TARS1: variants seen among roughly 807,000 people sequenced by gnomAD.
TARS1 encodes threonyl-tRNA synthetase 1, also known as threonine--tRNA ligase 1, cytoplasmic.
Under a neutral mutation model 97.7 loss-of-function variants are expected in TARS1, and 57 were observed. That is an observed-to-expected ratio of 0.58 (90% CI 0.47 to 0.73). The LOEUF (loss-of-function observed/expected upper bound fraction) is 0.73, where lower values mean the gene tolerates loss of function less well. Among genes scored for constraint, TARS1 ranks in the 30% least tolerant of loss-of-function variants. The pLI is 0.00. For synonymous variants in TARS1, 312 were observed against 293.7 expected (o/e 1.06, Z -0.64); for missense variants, 806 against 888.3 (o/e 0.91, Z 1.18).
In TARS1 at chr5:33,466,912, T is replaced by G; in HGVS notation, c.1950T>G (p.Ile650Met). The G allele has an allele frequency of 6.2e-7, 1 of 1,606,088 alleles. No individual in the cohort carries two copies. Among genetic ancestry groups the G allele is most frequent in the Non-Finnish European group, 8.5e-7 (1 of 1,176,434 alleles). The change falls in exon 18 of 19, where the codon ATT becomes ATG. Residue 650 changes from isoleucine to methionine, a missense_variant. Ile to Met is a conservative substitution (Grantham distance 10). Transcript: ENST00000265112. ...ACGATGCCAAATTCATGGCAGACAT[T>G]GATCTGGATCCAGGCTGTACATTGA... The part of the protein sequence containing the change: ...QFHDAKFMAD[I>M]DLDPGCTLNK...
chr5:33,448,368 C>T (rs1347168879), intron 2 of TARS1, among the ~76,000 whole-genome samples, 173 bp from the exon 3 acceptor site: 1 of 152,124 alleles, frequency 6.6e-6, no homozygotes, highest in Admixed American at 6.5e-5. Context: ...CTTCTTTTAC[C>T]TTCATTTAGA....
rs113130518 is a variant in TARS1, at chr5:33,468,068, T to TA, written c.*370dup. On this transcript the variant is annotated 3_prime_UTR_variant, in exon 19 of 19. Transcript: ENST00000265112. ...CTAGAATTGGATTATGGTGTAAAAA[T>TA]AAAAAAAAAATTTATTCACATAAGT... 8.4e-4 allele frequency: 148 copies of TA among 175,290 alleles called. No individual in the cohort carries two copies. The highest frequency in any genetic ancestry group is 4.8e-3 in the Middle Eastern group (2 of 414). 10.9% of individuals were successfully genotyped at this position (175,290 alleles called of 1,614,324 possible).
intron 1 of TARS1, among the ~76,000 whole-genome samples, chr5:33,442,924 C>A (rs1386982890): frequency 6.6e-6 from 1 of 152,038 alleles, no homozygotes; most frequent in Admixed American, 6.6e-5. Flanking sequence ...TTTTTTCCTT[C>A]CTCAAACCCA....
rs113811412 is a variant in TARS1, at chr5:33,457,268, G to A, written c.849G>A (p.Thr283=). The A allele has an allele frequency of 2.4e-5, 39 of 1,613,182 alleles. No homozygotes were observed. The highest frequency in any genetic ancestry group is 3.3e-4 in the Middle Eastern group (2 of 6,056). The change falls in exon 9 of 19, where the codon ACG becomes ACA. Residue 283 remains threonine, a synonymous_variant. Transcript: ENST00000265112. ...KALKIHKNSS[T]YWEGKADMET... ...ATCCTTGTTTTCAGAATTCCTCCAC[G>A]TACTGGGAAGGCAAAGCAGATATGG...
rs1306927368 is a variant in TARS1, at chr5:33,467,752, C to T, written c.*44C>T. The stretch of plus-strand genomic sequence containing the variant: ...TGGCTCCATGGAAAAGGAGGAACAG[C>T]GTTTCCGTAAAATTGACTTTGTACT... On this transcript the variant is annotated 3_prime_UTR_variant, in exon 19 of 19. Coordinates refer to ENST00000265112, the MANE Select transcript of TARS1 (RefSeq NM_152295.5). 2.5e-6 allele frequency: 4 copies of T among 1,574,400 alleles called. No individual in the cohort carries two copies. Among genetic ancestry groups the T allele is most frequent in the Non-Finnish European group, 3.4e-6 (4 of 1,162,976 alleles).
chr5:33,461,772 A>G (rs771698436), intron 14 of TARS1, 28 bp downstream of exon 14: 1 of 1,607,890 alleles, frequency 6.2e-7, no homozygotes, highest in Non-Finnish European at 8.5e-7. Flanking sequence ...TTTGGGTAAT[A>G]TGATTTTCAC....
chr5:33,466,603 A>C (rs542782249), intron 17 of TARS1, among the ~76,000 whole-genome samples: 7 of 147,584 alleles, frequency 4.7e-5, no homozygotes, highest in Admixed American at 1.4e-4. Context: ...AAAATTAATA[A>C]ATTGTAATCT....
chr5:33,458,046 T>C (rs1461944328), intron 9 of TARS1, among the ~76,000 whole-genome samples: 1 of 152,176 alleles, frequency 6.6e-6, no homozygotes, highest in Non-Finnish European at 1.5e-5. Flanking sequence ...TGAGGGCTTT[T>C]GGGCACTTGG....
chr5:33,457,189 T>C lies in TARS1; in HGVS notation c.838-68T>C, dbSNP rs1414861017. ...CTACTCTAACAAGGCCTCAAAGCAA[T>C]TGGGAGTTAAAATAAGTGAGATGTT... On this transcript the variant is annotated intron_variant, in intron 8 of 18. Coordinates refer to ENST00000265112, the MANE Select transcript of TARS1 (RefSeq NM_152295.5). 8 of 1,565,160 alleles carry C rather than the reference T, an allele frequency of 5.1e-6. No homozygotes were observed. In the East Asian group the frequency reaches 1.6e-4, roughly 31 times the overall value.
intron 5 of TARS1, 50 bp downstream of exon 5, chr5:33,455,116 A>G (rs746873182): frequency 3.7e-6 from 6 of 1,605,254 alleles, no homozygotes; most frequent in Non-Finnish European, 3.4e-6. Context: ...CTATGGATCC[A>G]TAAGTTATTC....
intron 4 of TARS1, among the ~76,000 whole-genome samples, chr5:33,453,709 CTATTT>C (rs1741870196): frequency 2.0e-5 from 3 of 151,264 alleles, no homozygotes; most frequent in South Asian, 2.1e-4. Context: ...ACTGTGAACA[CTATTT>C]TATTTTAATT....
chr5:33,448,410 C>T lies in TARS1; in HGVS notation c.139-131C>T, dbSNP rs866711549. 8 of 678,398 alleles carry T rather than the reference C, an allele frequency of 1.2e-5. 1 individual carries two copies. 42.0% of individuals were successfully genotyped at this position (678,398 alleles called of 1,614,324 possible). A position where few individuals can be genotyped will look rare whatever the true frequency, so the allele number is the denominator to read the frequency against. On this transcript the variant is annotated intron_variant, in intron 2 of 18. Coordinates refer to ENST00000265112, the MANE Select transcript of TARS1 (RefSeq NM_152295.5). ...TTGAGGTAATGCCGGGTGATTTTGG[C>T]AGTGTTTATTTACCACATTGAATCA...
At chr5:33,459,378 A>C (rs1004309918) in intron 10 of TARS1, among the ~76,000 whole-genome samples, 6 of 152,354 alleles carry the variant, frequency 3.9e-5, no homozygotes, top group African/African-American at 1.4e-4. Context: ...AGACATGCAA[A>C]TCAAGTTTAT....
chr5:33,441,492 T>C lies in TARS1; in HGVS notation c.57+349T>C, dbSNP rs147601713. ...TTCCAAACTTGCGTTTATGGCTTAC[T>C]GTAAGCGGGAAACACATTGCAGAGC... On this transcript the variant is annotated intron_variant, in intron 1 of 18. Coordinates refer to ENST00000265112, the MANE Select transcript of TARS1 (RefSeq NM_152295.5). The C allele has an allele frequency of 1.3e-5, 3 of 236,738 alleles. No homozygotes were observed. In the East Asian group the frequency reaches 2.6e-4, roughly 21 times the overall value. 14.7% of individuals were successfully genotyped at this position (236,738 alleles called of 1,614,324 possible). A position where few individuals can be genotyped will look rare whatever the true frequency, so the allele number is the denominator to read the frequency against.
chr5:33,466,907 G>A lies in TARS1; in HGVS notation c.1945G>A (p.Asp649Asn). 2 of 1,603,032 alleles carry A rather than the reference G, an allele frequency of 1.2e-6. No homozygotes were observed. The highest frequency in any genetic ancestry group is 1.7e-6 in the Non-Finnish European group (2 of 1,174,996). ...ATTCCACGATGCCAAATTCATGGCA[G>A]ACATTGATCTGGATCCAGGCTGTAC... The part of the protein sequence containing the change: ...QQFHDAKFMA[D>N]IDLDPGCTLN... Residue 649 changes from aspartate (D) to asparagine (N), a missense_variant, in exon 18 of 19, where the codon GAC (aspartate) becomes AAC (asparagine). Asp to Asn is a conservative substitution (Grantham distance 23). Coordinates refer to ENST00000265112, the MANE Select transcript of TARS1 (RefSeq NM_152295.5).
intron 9 of TARS1, among the ~76,000 whole-genome samples, chr5:33,458,068 T>G (rs563715328): frequency 9.9e-4 from 151 of 152,270 alleles, no homozygotes; most frequent in African/African-American, 3.4e-3. Context: ...GAGGCGGATG[T>G]TGGCAAGGAG....
intron 9 of TARS1, among the ~76,000 whole-genome samples, chr5:33,458,206 A>C (rs1742122836): frequency 6.6e-6 from 1 of 152,198 alleles, no homozygotes; most frequent in African/African-American, 2.4e-5. Flanking sequence ...TACATACATA[A>C]ATAAAATGAA....
intron 14 of TARS1, 48 bp from the exon 15 acceptor site, chr5:33,461,858 A>G: frequency 6.3e-7 from 1 of 1,595,482 alleles, no homozygotes; most frequent in Non-Finnish European, 8.6e-7. Context: ...ATTGAGCTCC[A>G]CTTTAGTATC....
rs1468880548 is a variant in TARS1 at position 33,449,674 on chromosome 5, C to A, written c.329+943C>A. 5.3e-5 allele frequency among the ~76,000 whole-genome samples: 8 copies of A among 151,958 alleles called. No individual in the cohort carries two copies. In the East Asian group the frequency reaches 1.5e-3, roughly 29 times the overall value. On this transcript the variant is annotated intron_variant, in intron 3 of 18. Transcript: ENST00000265112. ...GTTTCACCGTGCTAGCCAGGATGGTCTCGATCTCCTGACCTTGTGATCCGT... is the reference window on the plus strand; with the variant it reads ...GTTTCACCGTGCTAGCCAGGATGGTATCGATCTCCTGACCTTGTGATCCGT...
Sources: gnomAD v4.1 joint callset for allele counts (sites outside exome capture counted in the v4.1 genomes callset) on GRCh38, gnomAD v4.1.1 for gene constraint, MANE v1.5 for transcripts, NCBI Gene and HGNC (gene_info 2026-07-23, HGNC 2026-07-21) for gene names.